TSNARE1: variants seen among roughly 807,000 people sequenced by gnomAD.
TSNARE1 encodes t-SNARE domain containing 1, also known as t-SNARE domain-containing protein 1.
TSNARE1 carries 49 observed loss-of-function variants against 62.0 expected under a neutral mutation model. The ratio of observed to expected loss-of-function variants is 0.79; its 90% confidence interval spans 0.63 to 1.00. The LOEUF (loss-of-function observed/expected upper bound fraction) is 1.00. Ranked by LOEUF, TSNARE1 falls within the 50% of genes least tolerant of loss-of-function variation. TSNARE1 has a pLI of 0.00. For missense variants in TSNARE1, 755 were observed against 700.1 expected (o/e 1.08, Z -0.88); for synonymous variants, 328 against 294.4 (o/e 1.11, Z -1.17).
At chr8:142,214,780 C>T (rs1815749653) in intron 13 of TSNARE1, among the ~76,000 whole-genome samples, 1 of 152,198 alleles carries the variant, frequency 6.6e-6, no homozygotes, top group African/African-American at 2.4e-5. Flanking sequence ...GAGCTCCCGC[C>T]CTCCCTCCGC....
At chr8:142,381,073 C>G (rs1379631007) in intron 1 of TSNARE1, among the ~76,000 whole-genome samples, 3 of 152,272 alleles carry the variant, frequency 2.0e-5, no homozygotes, top group Non-Finnish European at 4.4e-5. Flanking sequence ...TCCCAGGCCT[C>G]AGCAGCCAAT....
At chr8:142,298,602 GCCT>G (rs1276487542) in intron 10 of TSNARE1, among the ~76,000 whole-genome samples, 7 of 152,170 alleles carry the variant, frequency 4.6e-5, no homozygotes, top group Admixed American at 3.3e-4. Context: ...CCCTCTAACG[GCCT>G]CCTCATGCCC....
rs141272672 is a variant in TSNARE1 at position 142,338,269 on chromosome 8, C to T, written c.745+5697G>A. Among the ~76,000 whole-genome samples the T allele has an allele frequency of 6.3e-3, 956 of 152,346 alleles. 7 individuals are homozygous for T. Among genetic ancestry groups the T allele is most frequent in the Middle Eastern group, 0.017 (5 of 294 alleles). On this transcript the variant is annotated intron_variant, in intron 4 of 13. Coordinates refer to ENST00000524325, the MANE Select transcript of TSNARE1 (RefSeq NM_145003.5). ...GCCCCACTTACCTGCCCGCTGCAGA[C>T]GAAGGCCTCTGATGAACACTCGGCC... is the stretch of plus-strand genomic sequence containing the variant.
In TSNARE1 at chr8:142,318,599, G is replaced by A. The variant is rs140089664; in HGVS notation, c.929C>T (p.Ala310Val). 24 of 1,613,702 alleles carry A rather than the reference G, an allele frequency of 1.5e-5. No homozygotes were observed. Among genetic ancestry groups the A allele is most frequent in the Non-Finnish European group, 1.9e-5 (23 of 1,180,016 alleles). Reference sequence around the variant, plus strand: ...CTGCTTCACGGAGCTGGCGCTGGCTGCAATGGTCTTGTTGGTCTCCTGCTG... The same window carrying A: ...CTGCTTCACGGAGCTGGCGCTGGCTACAATGGTCTTGTTGGTCTCCTGCTG... ...TAQQETNKTI[A>V]ASASSVKQMA... Residue 310 changes from alanine to valine, a missense_variant, in exon 7 of 14, where the codon GCA becomes GTA. Ala to Val is a moderately conservative substitution (Grantham distance 64, BLOSUM62 0). Coordinates refer to ENST00000524325, the MANE Select transcript of TSNARE1 (RefSeq NM_145003.5).
Position 142,257,341 on chromosome 8 carries a change from C to T in TSNARE1, c.1446+17440G>A, listed in dbSNP as rs376276101. Among the ~76,000 whole-genome samples the T allele has an allele frequency of 1.3e-4, 20 of 152,252 alleles. No homozygotes were observed. In the East Asian group the frequency reaches 1.5e-3, roughly 12 times the overall value. ...AGGGCCGGTGCTCAGGAGGGGCCTG[C>T]GGAGGGCAGGAGCTCCCCGCAAGCC... is the stretch of plus-strand genomic sequence containing the variant. On this transcript the variant is annotated intron_variant, in intron 12 of 13. Transcript: ENST00000524325.
At chr8:142,272,430 A>ACC (rs1819703909) in intron 12 of TSNARE1, among the ~76,000 whole-genome samples, 1 of 53,624 alleles carries the variant, frequency 1.9e-5, no homozygotes, top group South Asian at 5.6e-4. Context: ...CCACCTATCC[A>ACC]CCCGCCTGTC....
At position 142,280,510 on chromosome 8, in the gene TSNARE1, C is replaced by T. The variant is rs1037632367; in HGVS notation, c.1363+3903G>A. Among the ~76,000 whole-genome samples, 7 of 152,198 alleles carry T rather than the reference C, an allele frequency of 4.6e-5. No homozygotes were observed. In the East Asian group the frequency reaches 5.8e-4, roughly 13 times the overall value. ...TGTCTCAGCTACTCTCTGGGCCTCC[C>T]GCCTGTCCACCCGGCAGGTGCCCTC... On this transcript the variant is annotated intron_variant, in intron 11 of 13. Transcript: ENST00000524325.
At chr8:142,375,592 C>T (rs1587069841) in intron 1 of TSNARE1, among the ~76,000 whole-genome samples, 8 of 152,236 alleles carry the variant, frequency 5.3e-5, no homozygotes, top group Admixed American at 2.6e-4. Context: ...GTGCACCTCC[C>T]GGTGAAGTCC....
rs533559695 is a variant in TSNARE1 at position 142,252,314 on chromosome 8, G to A, written c.1446+22467C>T. Among the ~76,000 whole-genome samples the A allele has an allele frequency of 3.9e-5, 6 of 152,300 alleles. No homozygotes were observed. The East Asian group carries it at 5.8e-4, about 15-fold the overall frequency. ...GTTGCGGGTGGGAGGAGGAAGGGCCGGGCCCCCCCGGTACCAGGGCACTGG... is the reference window on the plus strand; with the variant it reads ...GTTGCGGGTGGGAGGAGGAAGGGCCAGGCCCCCCCGGTACCAGGGCACTGG... On this transcript the variant is annotated intron_variant, in intron 12 of 13. Coordinates refer to ENST00000524325, the MANE Select transcript of TSNARE1 (RefSeq NM_145003.5).
At chr8:142,278,626 A>G (rs1028182957) in intron 11 of TSNARE1, 1 of 985,296 alleles carries the variant, frequency 1.0e-6, no homozygotes, top group African/African-American at 1.7e-5. Context: ...CATCACCCTC[A>G]GAGCCAGCGT....
At chr8:142,295,486 G>A (rs967080288) in intron 10 of TSNARE1, among the ~76,000 whole-genome samples, 5 of 152,218 alleles carry the variant, frequency 3.3e-5, no homozygotes, top group Non-Finnish European at 5.9e-5. Context: ...CCTGTCTGGC[G>A]GAGAGTCCCA....
intron 1 of TSNARE1, among the ~76,000 whole-genome samples, chr8:142,374,358 C>CTGGA (rs1443817709): frequency 6.6e-6 from 1 of 151,732 alleles, no homozygotes; most frequent in Non-Finnish European, 1.5e-5. Context: ...TCACTGGGGA[C>CTGGA]TTGGCTTCCA....
chr8:142,261,447 G>C (rs1023233654), intron 12 of TSNARE1, among the ~76,000 whole-genome samples: 1 of 151,326 alleles, frequency 6.6e-6, no homozygotes, highest in South Asian at 2.1e-4. Context: ...GGGAGGACCG[G>C]GGAGGGAGAG....
chr8:142,233,741 A>C (rs919491201), intron 12 of TSNARE1, among the ~76,000 whole-genome samples: 1 of 152,130 alleles, frequency 6.6e-6, no homozygotes, highest in African/African-American at 2.4e-5. Flanking sequence ...TGCTCCCTGC[A>C]GGGCGTACGC....
rs796207381 is a variant in TSNARE1, at chr8:142,255,485, T to C, written c.1446+19296A>G. Reference sequence around the variant, plus strand: ...ATCACCATCACCACCACCATCACCATCATCATCACCACCACCACCACTGTC... The same window carrying C: ...ATCACCATCACCACCACCATCACCACCATCATCACCACCACCACCACTGTC... On this transcript the variant is annotated intron_variant, in intron 12 of 13. Transcript: ENST00000524325. Among the ~76,000 whole-genome samples, 113 of 11,624 alleles carry C rather than the reference T, an allele frequency of 9.7e-3. 3 individuals carry two copies. The highest frequency in any genetic ancestry group is 0.013 in the East Asian group (4 of 320). The allele number at this position is 11,624 out of a possible 152,430, so 7.6% of individuals were successfully genotyped here.
intron 10 of TSNARE1, among the ~76,000 whole-genome samples, chr8:142,285,711 A>C (rs1159749187): frequency 6.6e-6 from 1 of 152,186 alleles, no homozygotes; most frequent in African/African-American, 2.4e-5. Context: ...GAACAGAGTA[A>C]GGAACAGAAA....
At chr8:142,386,002 T>C (rs568620238) in intron 1 of TSNARE1, among the ~76,000 whole-genome samples, 117 of 152,268 alleles carry the variant, frequency 7.7e-4, no homozygotes, top group African/African-American at 2.7e-3. Flanking sequence ...CCTAGAGTCC[T>C]TGCATCTAGG....
intron 4 of TSNARE1, among the ~76,000 whole-genome samples, chr8:142,339,127 T>G (rs1832177856): frequency 6.6e-6 from 1 of 151,872 alleles, no homozygotes; most frequent in Admixed American, 6.6e-5. Context: ...CCTCTGCACA[T>G]CCATGATGGT....
chr8:142,278,247 G>A (rs991143609), intron 11 of TSNARE1: 15 of 985,292 alleles, frequency 1.5e-5, no homozygotes, highest in African/African-American at 7.0e-5. Context: ...CAACCAGTCC[G>A]GCCCACTCTG....
Sources: gnomAD v4.1 joint callset for allele counts (sites outside exome capture counted in the v4.1 genomes callset) on GRCh38, gnomAD v4.1.1 for gene constraint, MANE v1.5 for transcripts, NCBI Gene and HGNC (gene_info 2026-07-23, HGNC 2026-07-21) for gene names.